The following RHBDD1 variants were observed in gnomAD, a reference collection of about 807,000 sequenced individuals.
RHBDD1 encodes the protein rhomboid-related protein 4.
In RHBDD1, 38 loss-of-function variants were observed where a neutral mutation model predicts 36.3. That is an observed-to-expected ratio of 1.05 (90% CI 0.81 to 1.37). The LOEUF (loss-of-function observed/expected upper bound fraction) is 1.37, where lower values mean the gene tolerates loss of function less well. Ranked by LOEUF, RHBDD1 falls within the 40% of genes most tolerant of loss-of-function variation. The pLI is 0.00. For missense variants in RHBDD1, 393 were observed against 377.6 expected, an observed-to-expected ratio of 1.04 and a Z score of -0.34; for synonymous variants, 151 against 136.5, an observed-to-expected ratio of 1.11 and a Z score of -0.74.
intron 8 of RHBDD1, among the ~76,000 whole-genome samples, chr2:226,938,841 G>C (rs561224562): frequency 6.6e-6 from 1 of 151,952 alleles, no homozygotes; most frequent in Non-Finnish European, 1.5e-5. Flanking sequence ...GAAAATTTTA[G>C]GCCAATATCT....
chr2:226,827,163 C>A, the RHBDD1 span, among the ~76,000 whole-genome samples: 20 of 152,058 alleles, frequency 1.3e-4, no homozygotes, highest in African/African-American at 4.1e-4. Flanking sequence ...CAGGGTTTTG[C>A]CATATTTTCC....
intron 5 of RHBDD1, among the ~76,000 whole-genome samples, chr2:226,880,155 T>A (rs1458310783): frequency 6.6e-6 from 1 of 152,168 alleles, no homozygotes; most frequent in Admixed American, 6.6e-5. Context: ...TGCATTTTTC[T>A]AATAAGCTTG....
At chr2:226,922,800 T>C (rs1439198664) in intron 8 of RHBDD1, among the ~76,000 whole-genome samples, 1 of 152,178 alleles carries the variant, frequency 6.6e-6, no homozygotes, top group African/African-American at 2.4e-5. Context: ...TTTTGATTTC[T>C]GATTACCATG....
At chr2:226,916,753 T>C (rs1161934953) in intron 8 of RHBDD1, among the ~76,000 whole-genome samples, 1 of 152,176 alleles carries the variant, frequency 6.6e-6, no homozygotes, top group Non-Finnish European at 1.5e-5. Flanking sequence ...ACCTCCCATG[T>C]TAAATGTAGT....
At chr2:226,807,105 AG>A in the RHBDD1 span, among the ~76,000 whole-genome samples, 1 of 152,226 alleles carries the variant, frequency 6.6e-6, no homozygotes, top group Non-Finnish European at 1.5e-5. Context: ...GACAGGCAAA[AG>A]GCAAATTAAG....
At chr2:226,945,003 T>G (rs1397889910) in intron 8 of RHBDD1, among the ~76,000 whole-genome samples, 4 of 152,000 alleles carry the variant, frequency 2.6e-5, no homozygotes, top group Non-Finnish European at 4.4e-5. Flanking sequence ...TTACAATGTA[T>G]TTTTCATGGG....
At chr2:226,966,013 A>G (rs1209822724) in intron 8 of RHBDD1, among the ~76,000 whole-genome samples, 2 of 152,186 alleles carry the variant, frequency 1.3e-5, no homozygotes, top group Non-Finnish European at 2.9e-5. Context: ...CAGCACATCA[A>G]AAAGTTAATT....
chr2:226,805,765 G>A, the RHBDD1 span, among the ~76,000 whole-genome samples: 1 of 152,186 alleles, frequency 6.6e-6, no homozygotes, highest in Non-Finnish European at 1.5e-5. Context: ...TTTCAGTAAT[G>A]ATGAATGTCC....
chr2:226,875,958 G>A (rs190971971), intron 5 of RHBDD1, among the ~76,000 whole-genome samples: 9 of 152,282 alleles, frequency 5.9e-5, no homozygotes, highest in African/African-American at 1.9e-4. Context: ...GATGGAAATC[G>A]GATTTGCCAA....
intron 3 of RHBDD1, among the ~76,000 whole-genome samples, chr2:226,850,305 C>G (rs951096282): frequency 2.0e-5 from 3 of 152,154 alleles, no homozygotes; most frequent in Non-Finnish European, 4.4e-5. Flanking sequence ...ATTGGGAAAC[C>G]AGTCGTAGGA....
chr2:226,831,253 T>C (rs970150612), upstream of RHBDD1, among the ~76,000 whole-genome samples: 4 of 152,248 alleles, frequency 2.6e-5, no homozygotes, highest in Admixed American at 1.3e-4. Context: ...GGCTTCTCTT[T>C]GTGGGAAGAT....
chr2:226,959,061 C>A (rs1000754522), intron 8 of RHBDD1, among the ~76,000 whole-genome samples: 5 of 152,072 alleles, frequency 3.3e-5, no homozygotes, highest in South Asian at 2.1e-4. Context: ...ATCTAAATGT[C>A]TTCAGGAGCC....
chr2:226,839,964 G>A (rs934572464), intron 3 of RHBDD1, among the ~76,000 whole-genome samples: 4 of 152,060 alleles, frequency 2.6e-5, no homozygotes, highest in Non-Finnish European at 5.9e-5. Context: ...TTTGTTGTAT[G>A]GAAGCAACTA....
intron 5 of RHBDD1, among the ~76,000 whole-genome samples, chr2:226,889,953 A>G (rs1320193307): frequency 1.3e-5 from 2 of 152,148 alleles, no homozygotes; most frequent in Admixed American, 1.3e-4. Context: ...TACCCATGTC[A>G]TGGACTTGTT....
chr2:226,899,309 A>C (rs1947391953), intron 5 of RHBDD1, among the ~76,000 whole-genome samples: 1 of 152,218 alleles, frequency 6.6e-6, no homozygotes, highest in Non-Finnish European at 1.5e-5. Context: ...GTTTTGCTCC[A>C]AAATTGCCTT....
At chr2:226,969,643 T>C (rs1231083432) in intron 8 of RHBDD1, among the ~76,000 whole-genome samples, 1 of 152,160 alleles carries the variant, frequency 6.6e-6, no homozygotes, top group Non-Finnish European at 1.5e-5. Context: ...TTTTCAGAAC[T>C]GTGTCCTACA....
the RHBDD1 span, among the ~76,000 whole-genome samples, chr2:226,801,707 A>T: frequency 1.3e-5 from 2 of 152,192 alleles, no homozygotes; most frequent in African/African-American, 4.8e-5. Flanking sequence ...GGCGGCACTC[A>T]CAGTGACCGA....
chr2:226,837,302 G>T (rs1170751659), intron 1 of RHBDD1, among the ~76,000 whole-genome samples: 1 of 152,214 alleles, frequency 6.6e-6, no homozygotes, highest in Non-Finnish European at 1.5e-5. Context: ...AGTTTGTGCT[G>T]GAAGGATTCT....
rs551391367 is a variant in RHBDD1, at chr2:226,906,831, G to T, written c.605G>T (p.Gly202Val). The T allele has an allele frequency of 6.8e-6, 11 of 1,613,942 alleles. No homozygotes were observed. The highest frequency in any genetic ancestry group is 9.3e-6 in the Non-Finnish European group (11 of 1,179,996). Residue 202 changes from glycine to valine, a missense_variant, in exon 6 of 9, where the codon GGA becomes GTA. Coordinates refer to ENST00000392062, the MANE Select transcript of RHBDD1 (RefSeq NM_001167608.3). ...GGGCATCTGGCTGGGATTCTTGTTG[G>T]ACTAATGTACACTCAAGGGCCTCTG... The part of the protein sequence containing the change: ...FAGHLAGILV[G>V]LMYTQGPLKK...
Sources: allele counts gnomAD v4.1 joint callset (sites outside exome capture counted in the v4.1 genomes callset), GRCh38; gene constraint gnomAD v4.1.1; transcripts MANE v1.5; gene names NCBI Gene and HGNC (gene_info 2026-07-23, HGNC 2026-07-21).